Variants in BCO1 observed in about 807,000 individuals in gnomAD.
BCO1 encodes the protein beta,beta-carotene 15,15'-dioxygenase.
BCO1 carries 54 observed loss-of-function variants against 56.3 expected under a neutral mutation model. The ratio of observed to expected loss-of-function variants is 0.96; its 90% CI spans 0.77 to 1.20. The LOEUF (loss-of-function observed/expected upper bound fraction) is 1.20. BCO1 is among the 50% of genes most tolerant of loss of function. The pLI, the probability that BCO1 is intolerant of heterozygous loss-of-function variation, is 0.00. For missense variants in BCO1, 801 were observed against 690.9 expected (o/e 1.16, Z -1.79); for synonymous variants, 318 against 266.1 (o/e 1.20, Z -1.90).
chr16:81,281,256 A>G (rs959957252), intron 8 of BCO1, among the ~76,000 whole-genome samples: 19 of 152,002 alleles, frequency 1.2e-4, no homozygotes, highest in African/African-American at 4.6e-4. Context: ...GACCAGCCTG[A>G]GCAACATGGC....
chr16:81,264,777 C>G lies in BCO1; in HGVS notation c.609C>G (p.Ala203=). ...AGTATGTGATTTTTAAGATCCCTGC[C>G]ACAGTACCAGGTAGGCCACTCTGGG... The part of the protein sequence containing the change: ...KTKYVIFKIP[A]TVPEGKKQGK... Residue 203 remains alanine (A), a synonymous_variant, in exon 5 of 11, where the codon GCC becomes GCG. Transcript: ENST00000258168. 6.2e-7 allele frequency: 1 copy of G among 1,614,106 alleles called. No individual in the cohort carries two copies. Among genetic ancestry groups the G allele is most frequent in the Non-Finnish European group, 8.5e-7 (1 of 1,180,022 alleles).
chr16:81,279,038 A>G (rs185335480), intron 7 of BCO1, among the ~76,000 whole-genome samples: 159 of 151,626 alleles, frequency 1.0e-3, no homozygotes, highest in Non-Finnish European at 1.8e-3. Context: ...GCACTTTGGG[A>G]GGTCAAGAGA....
intron 2 of BCO1, among the ~76,000 whole-genome samples, chr16:81,257,983 A>C (rs1317408909): frequency 2.6e-5 from 4 of 152,032 alleles, no homozygotes; most frequent in Non-Finnish European, 4.4e-5. Context: ...GTGTAATCTC[A>C]AGAGAGAAGC....
intron 7 of BCO1, among the ~76,000 whole-genome samples, chr16:81,275,712 C>T (rs1010636328): frequency 4.6e-5 from 7 of 152,216 alleles, no homozygotes; most frequent in Non-Finnish European, 5.9e-5. Flanking sequence ...CTTTGGAACC[C>T]GTCCCAAGTG....
intron 1 of BCO1, among the ~76,000 whole-genome samples, chr16:81,244,738 A>G (rs201490182): frequency 1.3e-5 from 1 of 79,362 alleles, no homozygotes; most frequent in African/African-American, 5.3e-5. Flanking sequence ...TTTTTTTTTA[A>G]TTTTTTGAGA....
intron 2 of BCO1, among the ~76,000 whole-genome samples, chr16:81,257,064 C>T (rs535384776): frequency 6.6e-6 from 1 of 152,214 alleles, no homozygotes; most frequent in African/African-American, 2.4e-5. Context: ...GCTTACAGAC[C>T]TCTTAGCGGG....
chr16:81,282,589 G>T (rs867400535), intron 8 of BCO1, among the ~76,000 whole-genome samples: 1 of 151,780 alleles, frequency 6.6e-6, no homozygotes, highest in Non-Finnish European at 1.5e-5. Flanking sequence ...CATTCCCCTG[G>T]AGTCTTTAGA....
chr16:81,271,498 T>A (rs1907214933), intron 7 of BCO1, among the ~76,000 whole-genome samples: 1 of 152,050 alleles, frequency 6.6e-6, no homozygotes, highest in Admixed American at 6.6e-5. Flanking sequence ...TTTAGAACAT[T>A]TTCATCACCT....
At chr16:81,257,720 A>G (rs1906231846) in intron 2 of BCO1, among the ~76,000 whole-genome samples, 1 of 151,722 alleles carries the variant, frequency 6.6e-6, no homozygotes, top group South Asian at 2.1e-4. Flanking sequence ...TACTAAAAAT[A>G]TTTTAAAAAT....
chr16:81,290,856 C>T lies in BCO1; in HGVS notation c.*279C>T, dbSNP rs1290331995. 1 of 364,678 alleles carries T rather than the reference C, an allele frequency of 2.7e-6. No homozygotes were observed. The highest frequency in any genetic ancestry group is 5.0e-6 in the Non-Finnish European group (1 of 201,386). 22.6% of individuals were successfully genotyped at this position (364,678 alleles called of 1,614,324 possible). The stretch of plus-strand genomic sequence containing the variant: ...CTTTCCTTTAACAAAAAGACCTTGA[C>T]CATGAATCAGAGATTGTATTCAATG... On this transcript the variant is annotated 3_prime_UTR_variant, in exon 11 of 11. Transcript: ENST00000258168.
chr16:81,255,287 C>G (rs559632713), intron 2 of BCO1, among the ~76,000 whole-genome samples: 1 of 152,104 alleles, frequency 6.6e-6, no homozygotes, highest in Non-Finnish European at 1.5e-5. Flanking sequence ...TGCTGGCCTT[C>G]GACTCCAGAT....
intron 3 of BCO1, chr16:81,261,808 C>G (rs1363328296): frequency 1.4e-5 from 5 of 346,384 alleles, no homozygotes; most frequent in Non-Finnish European, 2.8e-5. Flanking sequence ...GTGGCGCCAT[C>G]TCGGTTCACT....
At chr16:81,280,830 T>C (rs1907836618) in intron 7 of BCO1, 27 bp from the exon 8 acceptor site, 2 of 1,538,060 alleles carry the variant, frequency 1.3e-6, no homozygotes, top group South Asian at 2.2e-5. Flanking sequence ...GTTTTTATTT[T>C]ACTTTTTGAA....
At chr16:81,244,965 G>A (rs28543000) in intron 1 of BCO1, among the ~76,000 whole-genome samples, 56,266 of 151,372 alleles carry the variant, frequency 0.37, 10,754 homozygotes, top group African/African-American at 0.47. Flanking sequence ...ATCTCGGCTC[G>A]CTGCAACCTC....
chr16:81,274,411 C>A (rs903366052), intron 7 of BCO1, among the ~76,000 whole-genome samples: 1 of 151,984 alleles, frequency 6.6e-6, no homozygotes, highest in Non-Finnish European at 1.5e-5. Context: ...CTACAGGCGC[C>A]CGCCACTACA....
chr16:81,241,688 G>A (rs1326957728), intron 1 of BCO1, among the ~76,000 whole-genome samples: 1 of 152,188 alleles, frequency 6.6e-6, no homozygotes, highest in East Asian at 1.9e-4. Context: ...GGAAACTGAG[G>A]CAGAGGGGCA....
At chr16:81,277,997 G>C (rs1456766259) in intron 7 of BCO1, among the ~76,000 whole-genome samples, 2 of 152,140 alleles carry the variant, frequency 1.3e-5, no homozygotes, top group East Asian at 3.9e-4. Context: ...CCTCCCACCA[G>C]CTTGCAGAGC....
rs1906377792 is a variant in BCO1 at position 81,259,875 on chromosome 16, A to G, written c.323+70A>G. The G allele has an allele frequency of 8.2e-6, 13 of 1,587,126 alleles. No homozygotes were observed. In the East Asian group the frequency reaches 2.7e-4, roughly 33 times the overall value. The stretch of plus-strand genomic sequence containing the variant: ...ATCCTTGATGGCTGAAATAACCAGC[A>G]TTTGCTCCTCTGACAATTCTCTTTA... On this transcript the variant is annotated intron_variant, in intron 3 of 10. Coordinates refer to ENST00000258168, the MANE Select transcript of BCO1 (RefSeq NM_017429.3).
chr16:81,269,648 T>G (rs1411689957), intron 6 of BCO1, among the ~76,000 whole-genome samples: 1 of 152,156 alleles, frequency 6.6e-6, no homozygotes, highest in Non-Finnish European at 1.5e-5. Context: ...TTTGTATTTT[T>G]AGTAGAGATG....
Sources: gnomAD v4.1 joint callset for allele counts (sites outside exome capture counted in the v4.1 genomes callset) on GRCh38, gnomAD v4.1.1 for gene constraint, MANE v1.5 for transcripts, NCBI Gene and HGNC (gene_info 2026-07-23, HGNC 2026-07-21) for gene names.